Variants in DCAF10 observed in about 807,000 individuals in gnomAD.
DCAF10 encodes the protein DDB1 and CUL4 associated factor 10.
A neutral mutation model predicts 51.9 loss-of-function variants in DCAF10; 19 were observed. That is an observed-to-expected ratio of 0.37 (90% CI 0.26 to 0.54). The LOEUF (loss-of-function observed/expected upper bound fraction) is 0.54, where lower values mean the gene tolerates loss of function less well. Ranked by LOEUF, DCAF10 falls within the 20% of genes least tolerant of loss-of-function variation. The pLI is 0.87. For missense variants in DCAF10, 510 were observed against 730.6 expected, an observed-to-expected ratio of 0.70 and a Z score of 3.48; for synonymous variants, 291 against 297.1, an observed-to-expected ratio of 0.98 and a Z score of 0.21.
rs1214075367 is a variant in DCAF10, at chr9:37,863,253, G to C, written c.*1745G>C. The C allele has an allele frequency of 2.0e-5, 3 of 148,048 alleles. No homozygotes were observed. The highest frequency in any genetic ancestry group is 4.4e-5 in the Non-Finnish European group (3 of 67,538). The allele number at this position is 148,048 out of a possible 1,614,324, so 9.2% of individuals were successfully genotyped here. The stretch of plus-strand genomic sequence containing the variant: ...AGGCAAGAGAATCACTTGAACCCGG[G>C]AGGCAGAGGGTGCAGTAAGCCGAGA... On this transcript the variant is annotated 3_prime_UTR_variant, in exon 7 of 7. Transcript: ENST00000377724.
chr9:37,858,864 C>G (rs16934508), intron 5 of DCAF10, among the ~76,000 whole-genome samples: 29,176 of 152,040 alleles, frequency 0.19, 3,205 homozygotes, highest in African/African-American at 0.29. Context: ...AGCTCTGGTT[C>G]AAGAAAAATT....
At chr9:37,808,794 T>A (rs371401895) in intron 1 of DCAF10, among the ~76,000 whole-genome samples, 3 of 116,170 alleles carry the variant, frequency 2.6e-5, no homozygotes, top group Admixed American at 1.8e-4. Context: ...TATTTTATAT[T>A]TTTGGAAGTC....
intron 2 of DCAF10, among the ~76,000 whole-genome samples, chr9:37,839,923 C>T (rs1830283015): frequency 6.6e-6 from 1 of 152,146 alleles, no homozygotes; most frequent in Non-Finnish European, 1.5e-5. Context: ...TTGTATACTG[C>T]AGATCTAACC....
intron 2 of DCAF10, among the ~76,000 whole-genome samples, chr9:37,831,098 C>T (rs974868653): frequency 1.3e-5 from 2 of 152,172 alleles, no homozygotes; most frequent in Non-Finnish European, 2.9e-5. Flanking sequence ...TGGCACACGC[C>T]TGCAGTCCCA....
intron 1 of DCAF10, among the ~76,000 whole-genome samples, chr9:37,808,116 C>G (rs1829178611): frequency 6.6e-6 from 1 of 152,026 alleles, no homozygotes; most frequent in Non-Finnish European, 1.5e-5. Flanking sequence ...AGTTTCTCAC[C>G]ACAATGTGAT....
At chr9:37,807,427 T>C (rs989247424) in intron 1 of DCAF10, among the ~76,000 whole-genome samples, 1 of 152,150 alleles carries the variant, frequency 6.6e-6, no homozygotes, top group Non-Finnish European at 1.5e-5. Flanking sequence ...GTTTCCTATG[T>C]CAATTCATGG....
chr9:37,811,950 G>A (rs972461968), intron 1 of DCAF10, among the ~76,000 whole-genome samples: 5 of 152,162 alleles, frequency 3.3e-5, no homozygotes, highest in Admixed American at 6.5e-5. Context: ...ACTTATGGAG[G>A]CTGAGGTAGT....
intron 1 of DCAF10, among the ~76,000 whole-genome samples, chr9:37,804,730 C>T (rs368340217): frequency 2.6e-5 from 4 of 151,560 alleles, no homozygotes; most frequent in East Asian, 1.9e-4. Flanking sequence ...GAGCCAAGAC[C>T]GTACCACTGC....
intron 1 of DCAF10, among the ~76,000 whole-genome samples, chr9:37,811,008 A>G (rs1032616218): frequency 1.3e-5 from 2 of 152,196 alleles, no homozygotes; most frequent in Admixed American, 6.5e-5. Flanking sequence ...CTTACTTGCC[A>G]TAATTAAAGA....
At chr9:37,826,944 G>A (rs1174312149) in intron 2 of DCAF10, among the ~76,000 whole-genome samples, 1 of 149,708 alleles carries the variant, frequency 6.7e-6, no homozygotes, top group African/African-American at 2.5e-5. Context: ...TCCTGCCTCA[G>A]CCTCCCAAGT....
At chr9:37,859,951 C>T (rs536379742) in intron 5 of DCAF10, 97 bp from the exon 6 acceptor site, 18 of 1,410,512 alleles carry the variant, frequency 1.3e-5, no homozygotes, top group East Asian at 9.2e-5. Flanking sequence ...TAAGGAATGA[C>T]GGCATGGGAG....
intron 4 of DCAF10, among the ~76,000 whole-genome samples, chr9:37,855,555 A>G (rs17417588): frequency 0.13 from 19,610 of 152,272 alleles, 1,417 homozygotes; most frequent in Non-Finnish European, 0.16. Context: ...TTTTATCAAC[A>G]TTATGTGATT....
intron 2 of DCAF10, among the ~76,000 whole-genome samples, chr9:37,820,822 T>G (rs1033368140): frequency 1.3e-5 from 2 of 152,078 alleles, no homozygotes; most frequent in Non-Finnish European, 2.9e-5. Context: ...TATAACAAAA[T>G]CAGCCACCAA....
rs1403738734 is a variant in DCAF10, at chr9:37,800,838, G to A, written c.-29G>A. On this transcript the variant is annotated 5_prime_UTR_variant, in exon 1 of 7. Coordinates refer to ENST00000377724, the MANE Select transcript of DCAF10 (RefSeq NM_024345.5). ...TGAGGTGTCGGCCGGCGGGGCAGTGGCCCGGAGCGGGGGGCGGGGGCGTTG... is the reference window on the plus strand; with the variant it reads ...TGAGGTGTCGGCCGGCGGGGCAGTGACCCGGAGCGGGGGGCGGGGGCGTTG... 2.7e-6 allele frequency: 4 copies of A among 1,486,540 alleles called. No homozygotes were observed. In the Admixed American group the frequency reaches 9.0e-5, roughly 33 times the overall value. The allele number at this position is 1,486,540 out of a possible 1,614,324, so 92.1% of individuals were successfully genotyped here.
chr9:37,860,873 G>A (rs1179987470), intron 6 of DCAF10, among the ~76,000 whole-genome samples: 2 of 152,126 alleles, frequency 1.3e-5, no homozygotes, highest in Non-Finnish European at 2.9e-5. Flanking sequence ...CCTTAGAAAA[G>A]AGAATGTATT....
intron 3 of DCAF10, among the ~76,000 whole-genome samples, chr9:37,847,253 C>CAAAAAAAAAAAAA: frequency 3.0e-5 from 1 of 32,950 alleles, no homozygotes; most frequent in Non-Finnish European, 5.7e-5. Flanking sequence ...AACTCCATCT[C>CAAAAAAAAAAAAA]AAAAAAAAAA....
At position 37,801,578 on chromosome 9, in the gene DCAF10, C is replaced by T. The variant is rs12378051; in HGVS notation, c.539+173C>T. ...GAAGCGCATTCTCGCCCTTGGAATC[C>T]CCAGCCCAGCTTTTTGAGGCAGGCA... On this transcript the variant is annotated intron_variant, in intron 1 of 6. Transcript: ENST00000377724. This position sits in a 1 kb window ranked among gnomAD's most constrained non-coding sequence, Gnocchi z 5.5. 2.3e-6 allele frequency: 2 copies of T among 854,404 alleles called. No individual in the cohort carries two copies. Among genetic ancestry groups the T allele is most frequent in the Non-Finnish European group, 3.2e-6 (2 of 619,988 alleles). 52.9% of individuals were successfully genotyped at this position (854,404 alleles called of 1,614,324 possible).
In DCAF10 at chr9:37,842,071, G is replaced by GT; in HGVS notation, c.654-13dup. ...AAGAGATTAAATGAACCAGGGTTTT[G>GT]TTTTTCTGCTTTTATAGATTTCTTG... is the stretch of plus-strand genomic sequence containing the variant. On this transcript the variant is annotated splice_polypyrimidine_tract_variant and intron_variant, in intron 2 of 6. Transcript: ENST00000377724. 1 of 1,598,206 alleles carries GT rather than the reference G, an allele frequency of 6.3e-7. No homozygotes were observed. The highest frequency in any genetic ancestry group is 2.2e-5 in the East Asian group (1 of 44,680).
intron 2 of DCAF10, 75 bp from the exon 3 acceptor site, chr9:37,842,014 G>A (rs1417478669): frequency 7.1e-7 from 1 of 1,417,334 alleles, no homozygotes; most frequent in Non-Finnish European, 9.6e-7. Flanking sequence ...AGGTAATATA[G>A]TGACTGTTTC....
Sources: gnomAD v4.1 joint callset for allele counts (sites outside exome capture counted in the v4.1 genomes callset) on GRCh38, gnomAD v4.1.1 for gene constraint, Gnocchi (gnomAD v3.1) non-coding constraint, MANE v1.5 for transcripts, NCBI Gene and HGNC (gene_info 2026-07-23, HGNC 2026-07-21) for gene names.